GSK3B: variants seen among roughly 807,000 people sequenced by gnomAD.
The protein encoded by GSK3B is glycogen synthase kinase-3 beta.
A neutral mutation model predicts 56.4 loss-of-function variants in GSK3B; 15 were observed. The observed-to-expected ratio is 0.27, with a 90% confidence interval of 0.18 to 0.41. GSK3B has a LOEUF of 0.41. GSK3B is among the 10% of genes least tolerant of loss of function. The pLI, the probability that GSK3B is intolerant of heterozygous loss-of-function variation, is 1.00. For synonymous variants in GSK3B, 181 were observed against 188.9 expected (o/e 0.96, Z 0.34); for missense variants, 300 against 513.4 (o/e 0.58, Z 4.02).
chr3:119,865,746 G>A (rs1032693567), intron 8 of GSK3B, among the ~76,000 whole-genome samples: 5 of 152,016 alleles, frequency 3.3e-5, no homozygotes, highest in Non-Finnish European at 5.9e-5. Context: ...TGGGATTACA[G>A]GCGTGAGCCA....
intron 7 of GSK3B, among the ~76,000 whole-genome samples, chr3:119,895,850 G>T (rs888595802): frequency 2.0e-5 from 3 of 152,086 alleles, no homozygotes; most frequent in Admixed American, 6.6e-5. Context: ...GTGGCTGGGC[G>T]TGGTGGATCA....
rs1428453926 is a variant in GSK3B, at chr3:119,821,452, T to C, written c.*5336A>G. ...TTTGCACTAAGAGACATAACATGTTTACATACATCATCCAGTATTGGAAAT... is the reference window on the plus strand; with the variant it reads ...TTTGCACTAAGAGACATAACATGTTCACATACATCATCCAGTATTGGAAAT... On this transcript the variant is annotated 3_prime_UTR_variant, in exon 11 of 11. Transcript: ENST00000264235. 6.6e-6 allele frequency: 1 copy of C among 152,260 alleles called. No homozygotes were observed. Among genetic ancestry groups the C allele is most frequent in the Non-Finnish European group, 1.5e-5 (1 of 68,050 alleles). 9.4% of individuals were successfully genotyped at this position (152,260 alleles called of 1,614,324 possible). A position where few individuals can be genotyped will look rare whatever the true frequency, so the allele number is the denominator to read the frequency against.
chr3:119,838,589 T>G (rs1385878549), intron 10 of GSK3B, among the ~76,000 whole-genome samples: 2 of 152,208 alleles, frequency 1.3e-5, no homozygotes, highest in African/African-American at 4.8e-5. Context: ...TAAATTAGGA[T>G]GAGTATTTCC....
chr3:119,894,574 C>T (rs969586240), intron 7 of GSK3B, among the ~76,000 whole-genome samples: 2 of 151,834 alleles, frequency 1.3e-5, no homozygotes, highest in South Asian at 2.1e-4. Flanking sequence ...GTGTCTATGC[C>T]GATTCTTTGT....
At chr3:120,035,731 A>G (rs1576287098) in intron 1 of GSK3B, among the ~76,000 whole-genome samples, 1 of 152,192 alleles carries the variant, frequency 6.6e-6, no homozygotes, top group East Asian at 1.9e-4. Flanking sequence ...TTGTTCCTTT[A>G]GATGGCATTA....
At chr3:119,914,198 T>C (rs1205299409) in intron 5 of GSK3B, among the ~76,000 whole-genome samples, 1 of 151,980 alleles carries the variant, frequency 6.6e-6, no homozygotes, top group African/African-American at 2.4e-5. Flanking sequence ...TTTGGCCCCT[T>C]TTCATCTAGT....
intron 7 of GSK3B, among the ~76,000 whole-genome samples, chr3:119,893,838 C>G (rs1432365503): frequency 6.6e-6 from 1 of 150,670 alleles, no homozygotes; most frequent in African/African-American, 2.4e-5. Flanking sequence ...ATGACAAAGA[C>G]ATTCTTTTAC....
chr3:119,881,078 A>G (rs1359534671), intron 7 of GSK3B, among the ~76,000 whole-genome samples: 1 of 152,228 alleles, frequency 6.6e-6, no homozygotes, highest in Non-Finnish European at 1.5e-5. Context: ...ATCCAACAGT[A>G]GAATTAACAA....
intron 2 of GSK3B, among the ~76,000 whole-genome samples, chr3:119,999,022 T>C (rs971302528): frequency 2.6e-5 from 4 of 152,196 alleles, no homozygotes; most frequent in Non-Finnish European, 5.9e-5. Context: ...AATTCTACTT[T>C]TATAAACTGT....
intron 8 of GSK3B, chr3:119,866,583 T>C (rs779842167): frequency 3.1e-6 from 5 of 1,594,302 alleles, no homozygotes; most frequent in Non-Finnish European, 4.3e-6. Flanking sequence ...AAAAATTAAG[T>C]ACATACCCGC....
At chr3:120,041,291 G>T in intron 1 of GSK3B, 1 of 279,138 alleles carries the variant, frequency 3.6e-6, no homozygotes, top group South Asian at 4.4e-5. Context: ...CTGAGTAAGT[G>T]GTAGATAACC....
chr3:119,874,251 C>A (rs963657245), intron 8 of GSK3B, among the ~76,000 whole-genome samples: 1 of 152,024 alleles, frequency 6.6e-6, no homozygotes, highest in Non-Finnish European at 1.5e-5. Flanking sequence ...TCCCCAAGAC[C>A]CTCATGTGGA....
At chr3:119,940,216 C>T (rs942925500) in intron 3 of GSK3B, among the ~76,000 whole-genome samples, 4 of 151,330 alleles carry the variant, frequency 2.6e-5, no homozygotes, top group Non-Finnish European at 4.4e-5. Flanking sequence ...ACATATATTA[C>T]CCTCATTTTA....
At chr3:119,993,704 T>C (rs1226972656) in intron 2 of GSK3B, among the ~76,000 whole-genome samples, 2 of 152,216 alleles carry the variant, frequency 1.3e-5, no homozygotes, top group Non-Finnish European at 2.9e-5. Flanking sequence ...TAAAGAAGGC[T>C]AGAGTGAACT....
At chr3:119,970,964 G>T (rs1021923166) in intron 2 of GSK3B, among the ~76,000 whole-genome samples, 1 of 152,064 alleles carries the variant, frequency 6.6e-6, no homozygotes, top group Admixed American at 6.6e-5. Context: ...TAAACAATTA[G>T]AATATCTCCC....
At chr3:119,945,615 T>C (rs973704781) in intron 3 of GSK3B, among the ~76,000 whole-genome samples, 2 of 152,212 alleles carry the variant, frequency 1.3e-5, no homozygotes, top group African/African-American at 4.8e-5. Context: ...TGCCTTGCAT[T>C]CAAACGGTTT....
intron 7 of GSK3B, among the ~76,000 whole-genome samples, chr3:119,893,190 T>C (rs542014964): frequency 1.2e-4 from 18 of 152,134 alleles, no homozygotes; most frequent in African/African-American, 4.3e-4. Context: ...ATATTTTTAA[T>C]AGAGATGAAG....
At chr3:119,864,484 C>T (rs969268298) in intron 8 of GSK3B, among the ~76,000 whole-genome samples, 15 of 152,090 alleles carry the variant, frequency 9.9e-5, no homozygotes, top group Admixed American at 3.9e-4. Context: ...AATAAACAGA[C>T]GAGAAGCCTT....
At chr3:119,846,507 A>G (rs1459671257) in intron 9 of GSK3B, among the ~76,000 whole-genome samples, 1 of 152,244 alleles carries the variant, frequency 6.6e-6, no homozygotes, top group East Asian at 1.9e-4. Flanking sequence ...TCAAAAGAAG[A>G]TATTTATGTG....
Sources: allele counts gnomAD v4.1 joint callset (sites outside exome capture counted in the v4.1 genomes callset), GRCh38; gene constraint gnomAD v4.1.1; transcripts MANE v1.5; gene names NCBI Gene and HGNC (gene_info 2026-07-23, HGNC 2026-07-21).